Variants in PTPRN2 observed in about 807,000 individuals in gnomAD.
The protein encoded by PTPRN2 is protein tyrosine phosphatase receptor type N2.
PTPRN2 carries 74 observed loss-of-function variants against 118.8 expected under a neutral mutation model. That is an observed-to-expected ratio of 0.62 (90% CI 0.52 to 0.76). The LOEUF (loss-of-function observed/expected upper bound fraction) is 0.76. Ranked by LOEUF, PTPRN2 falls within the 30% of genes least tolerant of loss-of-function variation. The pLI is 0.00. For synonymous variants in PTPRN2, 641 were observed against 608.0 expected (o/e 1.05, Z -0.80); for missense variants, 1,481 against 1,394.4 (o/e 1.06, Z -0.99).
rs1802357321 is a variant in PTPRN2, at chr7:157,764,928, C to T, written c.1789-81991G>A. Among the ~76,000 whole-genome samples, 1 of 148,624 alleles carries T rather than the reference C, an allele frequency of 6.7e-6. No individual in the cohort carries two copies. Among genetic ancestry groups the T allele is most frequent in the Non-Finnish European group, 1.5e-5 (1 of 67,008 alleles). The stretch of plus-strand genomic sequence containing the variant: ...CCATCCATCCATCCATTGATCCATC[C>T]ATATCCATCCATCCATATCCATCCA... On this transcript the variant is annotated intron_variant, in intron 12 of 22. Transcript: ENST00000389418. This position sits in a 1 kb window ranked among gnomAD's most constrained non-coding sequence, Gnocchi z 4.5.
At chr7:158,543,306 G>A (rs1826099319) in intron 1 of PTPRN2, among the ~76,000 whole-genome samples, 1 of 152,184 alleles carries the variant, frequency 6.6e-6, no homozygotes, top group African/African-American at 2.4e-5. Flanking sequence ...TGGGAAGAAG[G>A]AAGGCCCGGA....
chr7:158,411,955 G>A (rs1814131878), intron 2 of PTPRN2, among the ~76,000 whole-genome samples: 1 of 151,788 alleles, frequency 6.6e-6, no homozygotes, highest in African/African-American at 2.4e-5. Flanking sequence ...GCCCATCGCA[G>A]CACCCTCATC....
chr7:157,732,888 T>C (rs371749925), intron 12 of PTPRN2, among the ~76,000 whole-genome samples: 132 of 6,410 alleles, frequency 0.021, 12 homozygotes, highest in Admixed American at 0.041. Flanking sequence ...GCACAGTTAC[T>C]CTTTCCCGTC....
intron 2 of PTPRN2, among the ~76,000 whole-genome samples, chr7:158,416,385 T>G (rs1443948813): frequency 1.3e-5 from 2 of 152,232 alleles, no homozygotes; most frequent in African/African-American, 2.4e-5. Flanking sequence ...CATGGCATGT[T>G]AACCGAGTAA....
chr7:158,475,752 C>A (rs2094083096), intron 2 of PTPRN2, among the ~76,000 whole-genome samples: 1 of 152,178 alleles, frequency 6.6e-6, no homozygotes, highest in African/African-American at 2.4e-5. Context: ...ACACACACAC[C>A]TGGAGACCGT....
chr7:157,735,870 C>T (rs934342079), intron 12 of PTPRN2, among the ~76,000 whole-genome samples: 8 of 152,274 alleles, frequency 5.3e-5, no homozygotes, highest in Non-Finnish European at 7.4e-5. Context: ...TCTGAATTCC[C>T]GGTGTGTTGA....
At chr7:157,923,448 G>A (rs11982828) in intron 11 of PTPRN2, among the ~76,000 whole-genome samples, 3,726 of 152,296 alleles carry the variant, frequency 0.024, 123 homozygotes, top group African/African-American at 0.077. Context: ...CTTTCCCCTC[G>A]CGAGGCAGAG....
chr7:158,017,737 C>T (rs1452117254), intron 11 of PTPRN2, among the ~76,000 whole-genome samples: 1 of 152,058 alleles, frequency 6.6e-6, no homozygotes, highest in Non-Finnish European at 1.5e-5. Flanking sequence ...AGGAGGAGCA[C>T]CCAGCCAGGG....
chr7:158,150,200 T>A (rs1333044474), intron 6 of PTPRN2, among the ~76,000 whole-genome samples: 1 of 152,238 alleles, frequency 6.6e-6, no homozygotes, highest in Non-Finnish European at 1.5e-5. Context: ...GAGACCCACC[T>A]TCATGCTTCA....
At chr7:157,796,288 G>A (rs1321651054) in intron 12 of PTPRN2, among the ~76,000 whole-genome samples, 3 of 152,200 alleles carry the variant, frequency 2.0e-5, no homozygotes, top group Admixed American at 6.5e-5. Context: ...CTGATGTTAC[G>A]TGCACTAAGC....
intron 2 of PTPRN2, among the ~76,000 whole-genome samples, chr7:158,336,325 G>C (rs1393436660): frequency 2.8e-5 from 4 of 141,392 alleles, no homozygotes; most frequent in Non-Finnish European, 4.6e-5. Flanking sequence ...CACCATAAGA[G>C]GTGACACCTG....
At chr7:157,737,507 C>A (rs185504991) in intron 12 of PTPRN2, among the ~76,000 whole-genome samples, 49 of 152,240 alleles carry the variant, frequency 3.2e-4, no homozygotes, top group African/African-American at 1.2e-3. Flanking sequence ...GCAGGGGGCG[C>A]AGGCAGGAGG....
chr7:158,263,850 C>A (rs969344261), intron 3 of PTPRN2, among the ~76,000 whole-genome samples: 19 of 152,190 alleles, frequency 1.2e-4, no homozygotes, highest in African/African-American at 4.6e-4. Context: ...AGCAAGGCTG[C>A]AATGACGGCC....
At chr7:158,301,766 T>A (rs775829393) in intron 3 of PTPRN2, among the ~76,000 whole-genome samples, 4 of 152,090 alleles carry the variant, frequency 2.6e-5, no homozygotes, top group Admixed American at 6.5e-5. Flanking sequence ...CTGGGCAACA[T>A]GGCAAAACCC....
intron 6 of PTPRN2, among the ~76,000 whole-genome samples, chr7:158,149,730 G>A (rs1486536882): frequency 1.3e-5 from 2 of 151,882 alleles, no homozygotes; most frequent in Non-Finnish European, 2.9e-5. Context: ...CTTGAACATG[G>A]GAGACGGAGG....
chr7:157,607,711 A>T (rs191940218), intron 15 of PTPRN2, among the ~76,000 whole-genome samples: 1 of 152,330 alleles, frequency 6.6e-6, no homozygotes, highest in African/African-American at 2.4e-5. Flanking sequence ...CCACGGGGAA[A>T]GTGGCCACTG....
Position 157,615,303 on chromosome 7 carries a change from G to A in PTPRN2, c.2344+6059C>T, listed in dbSNP as rs540032740. 3.7e-4 allele frequency: 140 copies of A among 376,964 alleles called. No individual in the cohort carries two copies. Among genetic ancestry groups the A allele is most frequent in the Non-Finnish European group, 6.0e-4 (110 of 182,008 alleles). The allele number at this position is 376,964 out of a possible 1,614,324, so 23.4% of individuals were successfully genotyped here. ...AGAGGGCCCTGCAAGAGCGGTGTGC[G>A]TGGGTTGCGGCTGGGTCTGCGCTGG... On this transcript the variant is annotated intron_variant, in intron 15 of 22. Transcript: ENST00000389418. The surrounding 1 kb of genome is among the most constrained non-coding windows in gnomAD (Gnocchi z 4.3).
At chr7:158,340,312 C>T (rs1275143441) in intron 2 of PTPRN2, among the ~76,000 whole-genome samples, 18 of 100,526 alleles carry the variant, frequency 1.8e-4, no homozygotes, top group African/African-American at 6.1e-4. Context: ...GAGCTGACAC[C>T]CACAGACATC....
intron 3 of PTPRN2, among the ~76,000 whole-genome samples, chr7:158,238,232 G>C (rs879760235): frequency 6.6e-6 from 1 of 152,210 alleles, no homozygotes; most frequent in South Asian, 2.1e-4. Flanking sequence ...GCTCTGGGGG[G>C]CATCCCTCCC....
Sources: gnomAD v4.1 joint callset for allele counts (sites outside exome capture counted in the v4.1 genomes callset) on GRCh38, gnomAD v4.1.1 for gene constraint, Gnocchi (gnomAD v3.1) non-coding constraint, MANE v1.5 for transcripts, NCBI Gene and HGNC (gene_info 2026-07-23, HGNC 2026-07-21) for gene names.